The following SPON1 variants were observed in gnomAD, a reference collection of about 807,000 sequenced individuals.
SPON1 encodes spondin 1.
A neutral mutation model predicts 111.7 loss-of-function variants in SPON1; 52 were observed. That is an observed-to-expected ratio of 0.47 (90% CI 0.37 to 0.59). The LOEUF (loss-of-function observed/expected upper bound fraction) is 0.59, where lower values mean the gene tolerates loss of function less well. Among genes scored for constraint, SPON1 ranks in the 20% least tolerant of loss-of-function variants. The pLI is 0.00. For missense variants in SPON1, 957 were observed against 1,068.5 expected (o/e 0.90, Z 1.46); for synonymous variants, 410 against 395.8 (o/e 1.04, Z -0.43).
intron 6 of SPON1, among the ~76,000 whole-genome samples, chr11:14,211,079 T>A (rs1225382507): frequency 2.6e-5 from 4 of 152,184 alleles, no homozygotes; most frequent in Non-Finnish European, 5.9e-5. Context: ...TTGTCTTGGC[T>A]ATACGGGCTC....
At chr11:14,054,351 C>A (rs189274622) in intron 3 of SPON1, among the ~76,000 whole-genome samples, 15 of 152,250 alleles carry the variant, frequency 9.9e-5, no homozygotes, top group Admixed American at 9.2e-4. Flanking sequence ...ATTTTTCAAG[C>A]ACATGTTTAA....
At chr11:14,093,807 G>A (rs1294602325) in intron 5 of SPON1, among the ~76,000 whole-genome samples, 3 of 152,040 alleles carry the variant, frequency 2.0e-5, no homozygotes, top group Admixed American at 2.0e-4. Flanking sequence ...TTTTGCATTT[G>A]ATTTTGTCTT....
chr11:14,259,700 C>T lies in SPON1; in HGVS notation c.1830C>T (p.Cys610=). The T allele has an allele frequency of 2.5e-6, 4 of 1,571,008 alleles. No homozygotes were observed. The highest frequency in any genetic ancestry group is 2.6e-6 in the Non-Finnish European group (3 of 1,158,342). ...CAGAGAAGTGCATGATGCCAGAGTG[C>T]CGTGAGTGAGAGCGGGGGTGGACTT... is the stretch of plus-strand genomic sequence containing the variant. ...SQAEKCMMPE[C]HTIPCLLSPW... Residue 610 remains cysteine (C), a splice_region_variant and synonymous_variant, in exon 13 of 16, where the codon TGC becomes TGT. Coordinates refer to ENST00000576479, the MANE Select transcript of SPON1 (RefSeq NM_006108.4). This position sits in a 1 kb window ranked among gnomAD's most constrained non-coding sequence, Gnocchi z 5.0.
intron 14 of SPON1, 67 bp from the exon 15 acceptor site, chr11:14,262,645 A>G: frequency 1.3e-6 from 2 of 1,592,544 alleles, no homozygotes; most frequent in East Asian, 2.2e-5. Context: ...TGAGATGTTC[A>G]AAGGAGAGCG....
intron 3 of SPON1, among the ~76,000 whole-genome samples, chr11:14,054,374 G>T (rs1554918930): frequency 2.0e-5 from 3 of 152,100 alleles, no homozygotes; most frequent in Non-Finnish European, 4.4e-5. Flanking sequence ...TGACTTTAGC[G>T]CTATTGCCAG....
intron 5 of SPON1, among the ~76,000 whole-genome samples, chr11:14,108,752 AC>A (rs782069981): frequency 1.8e-4 from 27 of 151,266 alleles, no homozygotes; most frequent in Non-Finnish European, 2.9e-4. Flanking sequence ...GTATTTGATG[AC>A]CTTTTTTTTT....
At chr11:14,109,488 T>C (rs1849211130) in intron 5 of SPON1, among the ~76,000 whole-genome samples, 1 of 152,224 alleles carries the variant, frequency 6.6e-6, no homozygotes, top group Non-Finnish European at 1.5e-5. Context: ...GCTTTGAAAC[T>C]ACGGTTCTTG....
intron 6 of SPON1, among the ~76,000 whole-genome samples, chr11:14,200,169 AT>A (rs1848446689): frequency 1.3e-5 from 2 of 152,206 alleles, no homozygotes; most frequent in South Asian, 4.1e-4. Context: ...CTATAAGATC[AT>A]TTATGGCTTC....
intron 5 of SPON1, among the ~76,000 whole-genome samples, chr11:14,084,264 A>G (rs549271906): frequency 1.3e-5 from 2 of 152,094 alleles, no homozygotes; most frequent in East Asian, 1.9e-4. Context: ...TCCCACATGC[A>G]TTAGGTTATT....
At chr11:14,162,932 A>G (rs1196905506) in intron 6 of SPON1, among the ~76,000 whole-genome samples, 1 of 152,228 alleles carries the variant, frequency 6.6e-6, no homozygotes, top group Non-Finnish European at 1.5e-5. Flanking sequence ...AAAGAGGTTA[A>G]GTGTTGGCTA....
chr11:14,235,215 C>A (rs188911791), intron 6 of SPON1, among the ~76,000 whole-genome samples: 1 of 152,312 alleles, frequency 6.6e-6, no homozygotes, highest in East Asian at 1.9e-4. Flanking sequence ...CGGACTGGGC[C>A]TCGGAGGACA....
chr11:14,175,740 G>A (rs1848167716), intron 6 of SPON1, among the ~76,000 whole-genome samples: 1 of 152,138 alleles, frequency 6.6e-6, no homozygotes, highest in African/African-American at 2.4e-5. Flanking sequence ...TTTCTCTGCA[G>A]TTTCCAGAAG....
chr11:14,070,499 G>A lies in SPON1; in HGVS notation c.480-4846G>A, dbSNP rs145404547. 1.6e-3 allele frequency among the ~76,000 whole-genome samples: 240 copies of A among 152,232 alleles called. 4 individuals are homozygous for A. Among genetic ancestry groups the A allele is most frequent in the African/African-American group, 5.3e-3 (219 of 41,534 alleles). ...ACTTATTACGTGCCAGGTACTTTTT[G>A]TTAGGGGCTGGTGACTTAACAGCAG... is the stretch of plus-strand genomic sequence containing the variant. On this transcript the variant is annotated intron_variant, in intron 3 of 15. Transcript: ENST00000576479.
intron 5 of SPON1, among the ~76,000 whole-genome samples, chr11:14,092,212 A>G (rs1849065012): frequency 6.6e-6 from 1 of 152,342 alleles, no homozygotes; most frequent in Admixed American, 6.5e-5. Flanking sequence ...AGTGAAAAAT[A>G]TATCAGCGAC....
chr11:14,247,652 G>A (rs1554940352), intron 7 of SPON1, among the ~76,000 whole-genome samples: 1 of 152,106 alleles, frequency 6.6e-6, no homozygotes, highest in East Asian at 1.9e-4. Flanking sequence ...AGGCTGTGGC[G>A]ATAGGTGGAG....
intron 5 of SPON1, among the ~76,000 whole-genome samples, chr11:14,101,002 T>G (rs1177491894): frequency 6.6e-6 from 1 of 152,220 alleles, no homozygotes; most frequent in African/African-American, 2.4e-5. Flanking sequence ...TGTTTTGCTT[T>G]TCCATTTTTT....
intron 15 of SPON1, 77 bp downstream of exon 15, chr11:14,263,052 T>TAA: frequency 8.0e-7 from 1 of 1,252,692 alleles, no homozygotes; most frequent in South Asian, 1.7e-5. Context: ...TTGGACCTGT[T>TAA]TAAAAAAAAA....
intron 5 of SPON1, among the ~76,000 whole-genome samples, chr11:14,121,490 A>G (rs938442021): frequency 6.6e-6 from 1 of 152,310 alleles, no homozygotes; most frequent in South Asian, 2.1e-4. Flanking sequence ...AAATGGAAGC[A>G]GTGGGTTCAG....
At chr11:14,118,403 T>A (rs1849281554) in intron 5 of SPON1, among the ~76,000 whole-genome samples, 1 of 152,224 alleles carries the variant, frequency 6.6e-6, no homozygotes, top group Non-Finnish European at 1.5e-5. Flanking sequence ...AATTGCAGTG[T>A]TACTTGTCAG....
Sources: allele counts gnomAD v4.1 joint callset (sites outside exome capture counted in the v4.1 genomes callset), GRCh38; gene constraint gnomAD v4.1.1; non-coding constraint Gnocchi (gnomAD v3.1); transcripts MANE v1.5; gene names NCBI Gene and HGNC (gene_info 2026-07-23, HGNC 2026-07-21).